TNIK: variants seen among roughly 807,000 people sequenced by gnomAD.
TNIK encodes the protein TRAF2 and NCK-interacting protein kinase.
In TNIK, 49 loss-of-function variants were observed where a neutral mutation model predicts 191.3. That is an observed-to-expected ratio of 0.26 (90% CI 0.20 to 0.32). The LOEUF is 0.32. Ranked by LOEUF, TNIK falls within the 10% of genes least tolerant of loss-of-function variation. The pLI is 1.00. For synonymous variants in TNIK, 594 were observed against 600.9 expected, an observed-to-expected ratio of 0.99 and a Z score of 0.17; for missense variants, 1,155 against 1,702.3, an observed-to-expected ratio of 0.68 and a Z score of 5.66.
chr3:171,242,071 A>G (rs1337383253), intron 2 of TNIK, among the ~76,000 whole-genome samples: 1 of 151,912 alleles, frequency 6.6e-6, no homozygotes, highest in Non-Finnish European at 1.5e-5. Context: ...TGTAAATGAC[A>G]AGTTAATGGG....
intron 1 of TNIK, among the ~76,000 whole-genome samples, chr3:171,437,001 G>A (rs2108677540): frequency 6.6e-6 from 1 of 152,272 alleles, no homozygotes; most frequent in South Asian, 2.1e-4. Flanking sequence ...ATCTGTGCCA[G>A]TTCCTCTCTT....
At chr3:171,238,209 T>C (rs1440686527) in intron 2 of TNIK, among the ~76,000 whole-genome samples, 2 of 152,054 alleles carry the variant, frequency 1.3e-5, no homozygotes, top group Admixed American at 6.5e-5. Flanking sequence ...GGATGGCTCT[T>C]ACATATTCAT....
chr3:171,123,467 G>A (rs1391107578), intron 18 of TNIK, 129 bp downstream of exon 18: 7 of 646,980 alleles, frequency 1.1e-5, no homozygotes, highest in African/African-American at 5.6e-5. Flanking sequence ...GACCATCAAC[G>A]TTTATAGTGC....
At chr3:171,193,204 T>C (rs762937570) in intron 5 of TNIK, among the ~76,000 whole-genome samples, 45 of 152,246 alleles carry the variant, frequency 3.0e-4, no homozygotes, top group Admixed American at 1.3e-4. Context: ...TGTCTTAATT[T>C]ATTAGTAGCT....
intron 21 of TNIK, among the ~76,000 whole-genome samples, chr3:171,103,034 C>A (rs996534906): frequency 3.9e-5 from 6 of 152,138 alleles, no homozygotes; most frequent in Non-Finnish European, 5.9e-5. Context: ...ACTGAAGGGT[C>A]ATTTCTTTCT....
intron 2 of TNIK, among the ~76,000 whole-genome samples, chr3:171,242,142 T>C (rs1366995022): frequency 1.4e-5 from 2 of 144,352 alleles, no homozygotes; most frequent in Non-Finnish European, 3.0e-5. Flanking sequence ...TGTGCATTTG[T>C]ACCCTAGAAC....
chr3:171,075,073 T>C (rs1719720184), intron 28 of TNIK, among the ~76,000 whole-genome samples: 1 of 152,218 alleles, frequency 6.6e-6, no homozygotes, highest in South Asian at 2.1e-4. Context: ...AGCCTGATGT[T>C]TTTGAAAAAC....
At chr3:171,085,347 C>T (rs1721209966) in intron 24 of TNIK, 118 bp from the exon 25 acceptor site, 1 of 947,320 alleles carries the variant, frequency 1.1e-6, no homozygotes, top group African/African-American at 1.6e-5. Flanking sequence ...TTCAGGTGTT[C>T]ACATTCTAGT....
Position 171,128,839 on chromosome 3 carries a change from C to A in TNIK, c.1648G>T (p.Ala550Ser). 1 of 1,561,202 alleles carries A rather than the reference C, an allele frequency of 6.4e-7. No individual in the cohort carries two copies. The highest frequency in any genetic ancestry group is 8.6e-7 in the Non-Finnish European group (1 of 1,158,328). The change falls in exon 16 of 33, where the codon GCC becomes TCC. Residue 550 changes from alanine to serine, a missense_variant. By Grantham distance (99) the Ala-to-Ser change is moderately conservative. Transcript: ENST00000436636. The part of the protein sequence containing the change: ...RSRLNRQSSP[A>S]MPHKVANRIS... ...CTGTTGGCAACCTTGTGAGGCATGGCAGGGGAACTTTGCCGGTTGAGCCTT... is the reference window on the plus strand; with the variant it reads ...CTGTTGGCAACCTTGTGAGGCATGGAAGGGGAACTTTGCCGGTTGAGCCTT...
intron 2 of TNIK, among the ~76,000 whole-genome samples, chr3:171,230,764 C>T (rs984807193): frequency 6.6e-6 from 1 of 152,188 alleles, no homozygotes; most frequent in Non-Finnish European, 1.5e-5. Flanking sequence ...TATCAATGAA[C>T]ATGTCCCTGT....
At chr3:171,256,775 G>A (rs1374723972) in intron 2 of TNIK, among the ~76,000 whole-genome samples, 4 of 152,212 alleles carry the variant, frequency 2.6e-5, no homozygotes, top group African/African-American at 9.6e-5. Flanking sequence ...CTGCAGTAGG[G>A]TATTTGAGTT....
chr3:171,240,843 G>T (rs1303217115), intron 2 of TNIK, among the ~76,000 whole-genome samples: 1 of 151,852 alleles, frequency 6.6e-6, no homozygotes, highest in African/African-American at 2.4e-5. Context: ...CATGAGTATC[G>T]GGCATTTCCT....
intron 18 of TNIK, among the ~76,000 whole-genome samples, chr3:171,115,025 T>C (rs991190705): frequency 2.0e-5 from 3 of 152,202 alleles, no homozygotes; most frequent in Non-Finnish European, 4.4e-5. Context: ...TATGCATAAT[T>C]AAATAATTCC....
In TNIK at chr3:171,211,176, A is replaced by G. The variant is rs1740769165; in HGVS notation, c.246T>C (p.Ile82=). 1 of 1,613,016 alleles carries G rather than the reference A, an allele frequency of 6.2e-7. No homozygotes were observed. The highest frequency in any genetic ancestry group is 1.3e-5 in the African/African-American group (1 of 74,908). Residue 82 remains isoleucine (I), a synonymous_variant, in exon 4 of 33, where the codon ATT becomes ATC. Transcript: ENST00000436636. ...MLKKYSHHRN[I]ATYYGAFIKK... The stretch of plus-strand genomic sequence containing the variant: ...TGATAAAAGCACCATAGTATGTAGC[A>G]ATATTCCGGTGATGAGAATATTTCT...
chr3:171,426,951 G>C (rs1724715424), intron 1 of TNIK, among the ~76,000 whole-genome samples: 1 of 152,154 alleles, frequency 6.6e-6, no homozygotes, highest in East Asian at 1.9e-4. Context: ...GAAAACAGAT[G>C]TAAGATCGTC....
intron 19 of TNIK, 115 bp downstream of exon 19, chr3:171,110,599 G>A (rs1488491654): frequency 7.4e-7 from 1 of 1,348,632 alleles, no homozygotes; most frequent in Non-Finnish European, 9.9e-7. Flanking sequence ...GGCTCTTCAG[G>A]ATCACACAGT....
intron 3 of TNIK, among the ~76,000 whole-genome samples, chr3:171,213,292 A>C (rs996791301): frequency 1.3e-5 from 2 of 152,066 alleles, no homozygotes; most frequent in Non-Finnish European, 2.9e-5. Context: ...GGGAAGCCTA[A>C]ATAGAAAGGG....
intron 8 of TNIK, among the ~76,000 whole-genome samples, chr3:171,175,706 T>C (rs1429473402): frequency 6.6e-6 from 1 of 152,224 alleles, no homozygotes; most frequent in Non-Finnish European, 1.5e-5. Flanking sequence ...TTTTAATTAG[T>C]AAAAGCCTAA....
chr3:171,247,764 C>G (rs1745766423), intron 2 of TNIK, among the ~76,000 whole-genome samples: 1 of 152,172 alleles, frequency 6.6e-6, no homozygotes, highest in Non-Finnish European at 1.5e-5. Flanking sequence ...TGGTCAGAGC[C>G]AGTGCTACAG....
Sources: allele counts gnomAD v4.1 joint callset (sites outside exome capture counted in the v4.1 genomes callset), GRCh38; gene constraint gnomAD v4.1.1; transcripts MANE v1.5; gene names NCBI Gene and HGNC (gene_info 2026-07-23, HGNC 2026-07-21).